The following PSMD11 variants were observed in gnomAD, a reference collection of about 807,000 sequenced individuals.
The protein encoded by PSMD11 is proteasome 26S subunit, non-ATPase 11.
PSMD11 carries 5 observed loss-of-function variants against 62.3 expected under a neutral mutation model. That is an observed-to-expected ratio of 0.08 (90% CI 0.04 to 0.17). The LOEUF is 0.17. PSMD11 is among the 10% of genes least tolerant of loss of function. The pLI, the probability that PSMD11 is intolerant of heterozygous loss-of-function variation, is 1.00. For missense variants in PSMD11, 310 were observed against 512.9 expected (o/e 0.60, Z 3.82); for synonymous variants, 191 against 191.8 (o/e 1.00, Z 0.03).
At position 32,464,588 on chromosome 17, in the gene PSMD11, C is replaced by CTGG. The variant is rs761326616; in HGVS notation, c.448+12_448+14dup. The CTGG allele has an allele frequency of 3.8e-6, 6 of 1,599,352 alleles. No individual in the cohort carries two copies. The highest frequency in any genetic ancestry group is 5.1e-6 in the Non-Finnish European group (6 of 1,168,862). On this transcript the variant is annotated intron_variant, in intron 5 of 13. Transcript: ENST00000261712. ...GAAGCATTGCATTTGGGTAAGTAAG[C>CTGG]TGGTAATAAGTCATCTCAGCTAGCT...
chr17:32,454,044 T>A (rs1457983567), intron 2 of PSMD11, among the ~76,000 whole-genome samples: 1 of 152,154 alleles, frequency 6.6e-6, no homozygotes, highest in Non-Finnish European at 1.5e-5. Flanking sequence ...AATCTCTGTC[T>A]AAGGGGAACA....
At chr17:32,450,756 G>A (rs1217025963) in intron 2 of PSMD11, among the ~76,000 whole-genome samples, 1 of 151,950 alleles carries the variant, frequency 6.6e-6, no homozygotes, top group Non-Finnish European at 1.5e-5. Flanking sequence ...AACAGATGAT[G>A]AACTGAGTCT....
In PSMD11 at chr17:32,464,102, C is replaced by T; in HGVS notation, c.372C>T (p.Phe124=). 1 of 1,614,000 alleles carries T rather than the reference C, an allele frequency of 6.2e-7. No homozygotes were observed. The highest frequency in any genetic ancestry group is 2.2e-5 in the East Asian group (1 of 44,866). Residue 124 remains phenylalanine, a synonymous_variant, in exon 4 of 14, where the codon TTC becomes TTT. Transcript: ENST00000261712. ...IEWAKSEKRT[F]LRQALEARLV... ...GGGCCAAGTCAGAGAAAAGAACTTT[C>T]TTACGCCAAGCTTTGGAGGTAGGTT...
chr17:32,444,970 T>G, intron 1 of PSMD11: 1 of 366,458 alleles, frequency 2.7e-6, no homozygotes, highest in Non-Finnish European at 4.9e-6. Flanking sequence ...GCCGGCGTGC[T>G]TGTCACGGAC....
chr17:32,448,391 A>T (rs1442684731), intron 2 of PSMD11, among the ~76,000 whole-genome samples: 1 of 150,492 alleles, frequency 6.6e-6, no homozygotes, highest in Non-Finnish European at 1.5e-5. Flanking sequence ...TTTGAGACAG[A>T]GTTTTGCTCT....
intron 3 of PSMD11, 57 bp from the exon 4 acceptor site, chr17:32,463,992 G>A: frequency 6.6e-7 from 1 of 1,506,956 alleles, no homozygotes; most frequent in Non-Finnish European, 9.2e-7. Flanking sequence ...CCAAAGCATG[G>A]TTTGTGGGAA....
intron 1 of PSMD11, 117 bp from the exon 2 acceptor site, chr17:32,446,827 AG>A: frequency 2.5e-6 from 1 of 406,944 alleles, no homozygotes; most frequent in Non-Finnish European, 4.2e-6. Flanking sequence ...TTTTAACTCT[AG>A]AATTTGTCTT....
chr17:32,461,823 T>C (rs913699067), intron 3 of PSMD11, among the ~76,000 whole-genome samples: 3 of 152,176 alleles, frequency 2.0e-5, no homozygotes, highest in African/African-American at 7.2e-5. Context: ...GTGATATAGC[T>C]TGCTTTTATT....
chr17:32,476,518 A>G (rs1343797559), intron 8 of PSMD11, among the ~76,000 whole-genome samples: 3 of 152,240 alleles, frequency 2.0e-5, no homozygotes, highest in African/African-American at 7.2e-5. Context: ...TGTATAAGAC[A>G]CACTGTTCTT....
intron 7 of PSMD11, among the ~76,000 whole-genome samples, 168 bp from the exon 8 acceptor site, chr17:32,474,596 A>T (rs1908264327): frequency 6.6e-6 from 1 of 152,144 alleles, no homozygotes; most frequent in Non-Finnish European, 1.5e-5. Flanking sequence ...GAGTGGAGAA[A>T]ACCTAGCTTT....
At position 32,477,514 on chromosome 17, in the gene PSMD11, T is replaced by C; in HGVS notation, c.850-7T>C. The C allele has an allele frequency of 6.2e-7, 1 of 1,601,162 alleles. No homozygotes were observed. Among genetic ancestry groups the C allele is most frequent in the South Asian group, 1.1e-5 (1 of 88,988 alleles). Reference sequence around the variant, plus strand: ...ATCGCTTTCATGGTTTGTCTCTTTATTCTCAGACAGAAGCATTAAAATGCG... The same window carrying C: ...ATCGCTTTCATGGTTTGTCTCTTTACTCTCAGACAGAAGCATTAAAATGCG... On this transcript the variant is annotated splice_region_variant and splice_polypyrimidine_tract_variant and intron_variant, in intron 8 of 13. Coordinates refer to ENST00000261712, the MANE Select transcript of PSMD11 (RefSeq NM_002815.4).
At chr17:32,448,788 ATAACT>A (rs1256313804) in intron 2 of PSMD11, among the ~76,000 whole-genome samples, 5 of 152,244 alleles carry the variant, frequency 3.3e-5, no homozygotes, top group Admixed American at 6.5e-5. Context: ...GAAAAGTTAA[ATAACT>A]TAACAAAGCT....
chr17:32,444,576 C>T lies in PSMD11; in HGVS notation c.53C>T (p.Thr18Ile), dbSNP rs1454676718. The change falls in exon 1 of 14, where the codon ACC (threonine) becomes ATC (isoleucine). Residue 18 changes from threonine (T) to isoleucine (I), a missense_variant. Around this residue, in one of 6 missense-constraint regions of PSMD11, gnomAD observed 50 missense variants for 94.4 expected, o/e 0.53. Transcript: ENST00000261712. ...EFQRAQSLLSTDREASIDILH... is the reference protein window; with the variant it reads ...EFQRAQSLLSIDREASIDILH... The stretch of plus-strand genomic sequence containing the variant: ...CAGAGAGCCCAGTCTCTACTCAGCA[C>T]CGACCGGGAGGCCTCCATCGACATC... The T allele has an allele frequency of 2.5e-6, 4 of 1,611,812 alleles. No individual in the cohort carries two copies. Among genetic ancestry groups the T allele is most frequent in the Middle Eastern group, 1.6e-4 (1 of 6,074 alleles).
chr17:32,469,598 C>G (rs184931397), intron 6 of PSMD11, among the ~76,000 whole-genome samples: 1 of 152,178 alleles, frequency 6.6e-6, no homozygotes, highest in Non-Finnish European at 1.5e-5. Context: ...GGAATGATAA[C>G]CCAATTTCAG....
intron 6 of PSMD11, among the ~76,000 whole-genome samples, chr17:32,469,614 T>C (rs3815376): frequency 1.3e-5 from 2 of 151,872 alleles, no homozygotes; most frequent in East Asian, 3.8e-4. Flanking sequence ...TTCAGCTGAG[T>C]GTGGTATGTA....
chr17:32,458,243 A>C (rs1286341824), intron 3 of PSMD11, among the ~76,000 whole-genome samples: 1 of 151,954 alleles, frequency 6.6e-6, no homozygotes, highest in Non-Finnish European at 1.5e-5. Flanking sequence ...TTCTCCCACA[A>C]CTCAAACCTT....
At chr17:32,474,354 C>T (rs1597842131) in intron 7 of PSMD11, among the ~76,000 whole-genome samples, 2 of 152,216 alleles carry the variant, frequency 1.3e-5, no homozygotes, top group African/African-American at 2.4e-5. Context: ...GACAGACCTA[C>T]TTATAAAGAA....
At chr17:32,451,356 A>C (rs1349717167) in intron 2 of PSMD11, among the ~76,000 whole-genome samples, 1 of 152,246 alleles carries the variant, frequency 6.6e-6, no homozygotes, top group Non-Finnish European at 1.5e-5. Flanking sequence ...AATTAATGGT[A>C]GGTGAGAGAA....
At chr17:32,455,199 A>T (rs549912279) in intron 3 of PSMD11, among the ~76,000 whole-genome samples, 3 of 152,246 alleles carry the variant, frequency 2.0e-5, no homozygotes, top group Non-Finnish European at 4.4e-5. Flanking sequence ...AGAGACGCAT[A>T]CCAAAATTAA....
Sources: allele counts gnomAD v4.1 joint callset (sites outside exome capture counted in the v4.1 genomes callset), GRCh38; gene constraint gnomAD v4.1.1; regional missense constraint gnomAD v4.1.1; transcripts MANE v1.5; gene names NCBI Gene and HGNC (gene_info 2026-07-23, HGNC 2026-07-21).